The following SEMA6A variants were observed in gnomAD, a reference collection of about 807,000 sequenced individuals.
SEMA6A encodes semaphorin-6A.
Under a neutral mutation model 96.8 loss-of-function variants are expected in SEMA6A, and 25 were observed. The observed-to-expected ratio is 0.26, with a 90% confidence interval of 0.19 to 0.36. The LOEUF (loss-of-function observed/expected upper bound fraction) is 0.36. Ranked by LOEUF, SEMA6A falls within the 10% of genes least tolerant of loss-of-function variation. The probability of loss-of-function intolerance (pLI) is 1.00; values close to 1 mark genes in which losing one functional copy is unlikely to be tolerated. For synonymous variants in SEMA6A, 612 were observed against 518.0 expected (o/e 1.18, Z -2.46); for missense variants, 1,363 against 1,323.1 (o/e 1.03, Z -0.47).
chr5:116,448,866 T>C (rs189921383), intron 18 of SEMA6A, among the ~76,000 whole-genome samples: 19 of 152,066 alleles, frequency 1.2e-4, no homozygotes, highest in South Asian at 2.1e-4. Context: ...ATAAGACCAT[T>C]TGGGGCCCTG....
chr5:116,488,437 C>T (rs962245542), intron 8 of SEMA6A, among the ~76,000 whole-genome samples: 2 of 152,184 alleles, frequency 1.3e-5, no homozygotes, highest in Non-Finnish European at 2.9e-5. Context: ...TGGAATTTTG[C>T]ATATCTCTGT....
chr5:116,523,263 C>T (rs1759045171), intron 1 of SEMA6A, among the ~76,000 whole-genome samples: 1 of 152,096 alleles, frequency 6.6e-6, no homozygotes, highest in Non-Finnish European at 1.5e-5. Context: ...CCGGGTGGGT[C>T]ACATTATGCT....
intron 1 of SEMA6A, chr5:116,562,649 C>T (rs1760865886): frequency 7.1e-6 from 5 of 699,602 alleles, no homozygotes; most frequent in East Asian, 3.0e-5. Context: ...ATTTGGTGTC[C>T]GCCATATCGT....
intron 1 of SEMA6A, among the ~76,000 whole-genome samples, chr5:116,570,215 A>G (rs1220292408): frequency 1.3e-5 from 2 of 152,216 alleles, no homozygotes; most frequent in African/African-American, 4.8e-5. Flanking sequence ...CCCAAGAGGC[A>G]ACCATGTGGT....
At chr5:116,502,111 T>G in intron 3 of SEMA6A, 99 bp downstream of exon 3, 1 of 869,770 alleles carries the variant, frequency 1.1e-6, no homozygotes. Flanking sequence ...ACACTCTATT[T>G]AGAAACCTCA....
chr5:116,460,024 C>T (rs1051801705), intron 18 of SEMA6A, among the ~76,000 whole-genome samples: 6 of 151,734 alleles, frequency 4.0e-5, no homozygotes, highest in African/African-American at 9.7e-5. Context: ...TTCGGAATTC[C>T]AGTTCTACCC....
chr5:116,488,071 T>C, intron 9 of SEMA6A, 37 bp downstream of exon 9: 1 of 1,354,106 alleles, frequency 7.4e-7, no homozygotes, highest in Non-Finnish European at 1.0e-6. Flanking sequence ...TTTCTGAAAA[T>C]GTTACAAACT....
rs150268205 is a variant in SEMA6A, at chr5:116,559,563, T to C, written c.-39+14622A>G. Reference sequence around the variant, plus strand: ...CGTTACTCCACACCGCCTTGTGTTGTTTGTTGGTGCGCTCTCGGGGTTCGG... The same window carrying C: ...CGTTACTCCACACCGCCTTGTGTTGCTTGTTGGTGCGCTCTCGGGGTTCGG... On this transcript the variant is annotated intron_variant, in intron 1 of 18. Transcript: ENST00000343348. 1.1e-3 allele frequency among the ~76,000 whole-genome samples: 163 copies of C among 152,290 alleles called. 9 individuals are homozygous for C. The highest frequency in any genetic ancestry group is 6.8e-3 in the Middle Eastern group (2 of 294).
At position 116,488,175 on chromosome 5, in the gene SEMA6A, A is replaced by G. The variant is rs931340229; in HGVS notation, c.677T>C (p.Val226Ala). 1.2e-6 allele frequency: 2 copies of G among 1,610,946 alleles called. No homozygotes were observed. The highest frequency in any genetic ancestry group is 2.7e-5 in the African/African-American group (2 of 74,898). The change falls in exon 9 of 19, where the codon GTG becomes GCG. Residue 226 changes from valine to alanine, a missense_variant. This residue lies in a region of SEMA6A where 480 missense variants were observed against 559.5 expected (regional missense o/e 0.86). Transcript: ENST00000343348. ...WLKEPYFVQA[V>A]DYGDYIYFFF... ...GAAGTAGATATAATCTCCGTAATCC[A>G]CGGCTTGAACAAAGTATGGTTCTGT...
At chr5:116,499,287 G>C (rs1206157126) in intron 3 of SEMA6A, 2 of 152,070 alleles carry the variant, frequency 1.3e-5, no homozygotes, top group Non-Finnish European at 2.9e-5. Context: ...GTACATCCCA[G>C]GTCTCATATG....
intron 1 of SEMA6A, among the ~76,000 whole-genome samples, chr5:116,556,282 A>G (rs1458146745): frequency 6.6e-6 from 1 of 152,238 alleles, no homozygotes; most frequent in Non-Finnish European, 1.5e-5. Flanking sequence ...ATGCTCTGAC[A>G]CACAAAAGAA....
intron 18 of SEMA6A, among the ~76,000 whole-genome samples, chr5:116,466,545 G>A (rs1755769483): frequency 6.6e-6 from 1 of 152,144 alleles, no homozygotes; most frequent in South Asian, 2.1e-4. Flanking sequence ...ACTCTCAGGA[G>A]ATGAGAAGCA....
chr5:116,451,963 A>C (rs1390648682), intron 18 of SEMA6A, among the ~76,000 whole-genome samples: 1 of 137,906 alleles, frequency 7.3e-6, no homozygotes, highest in Non-Finnish European at 1.6e-5. Context: ...GAACTGAATA[A>C]TTAGAAAAAA....
At chr5:116,560,000 G>A (rs1259895859) in intron 1 of SEMA6A, among the ~76,000 whole-genome samples, 1 of 152,204 alleles carries the variant, frequency 6.6e-6, no homozygotes, top group Non-Finnish European at 1.5e-5. Context: ...TCTGTCTTCA[G>A]GGCTTCACCA....
At chr5:116,501,523 CA>C (rs1456459677) in intron 3 of SEMA6A, among the ~76,000 whole-genome samples, 1 of 152,078 alleles carries the variant, frequency 6.6e-6, no homozygotes, top group African/African-American at 2.4e-5. Context: ...TGCAAAAATA[CA>C]AATAGGTTTA....
At chr5:116,482,624 A>C (rs767388651) in intron 10 of SEMA6A, 49 bp from the exon 11 acceptor site, 1 of 1,604,840 alleles carries the variant, frequency 6.2e-7, no homozygotes, top group South Asian at 1.1e-5. Context: ...ATGGTTATGC[A>C]TGTGGTTTGG....
chr5:116,532,390 A>T (rs1759523761), intron 1 of SEMA6A, among the ~76,000 whole-genome samples: 1 of 152,246 alleles, frequency 6.6e-6, no homozygotes, highest in Admixed American at 6.5e-5. Context: ...CAGGTGCAAG[A>T]AATTTATGTC....
At chr5:116,522,252 T>TTTC (rs10659440) in intron 1 of SEMA6A, among the ~76,000 whole-genome samples, 27,674 of 152,088 alleles carry the variant, frequency 0.18, 4,153 homozygotes, top group African/African-American at 0.42. Context: ...TGTGCATGTG[T>TTTC]TTTTTTAGAA....
intron 16 of SEMA6A, among the ~76,000 whole-genome samples, chr5:116,473,915 A>G (rs1056440635): frequency 6.6e-6 from 1 of 152,188 alleles, no homozygotes; most frequent in Admixed American, 6.5e-5. Context: ...GAGTGGGGTT[A>G]AAGGTCAAAG....
Sources: allele counts gnomAD v4.1 joint callset (sites outside exome capture counted in the v4.1 genomes callset), GRCh38; gene constraint gnomAD v4.1.1; regional missense constraint gnomAD v4.1.1; transcripts MANE v1.5; gene names NCBI Gene and HGNC (gene_info 2026-07-23, HGNC 2026-07-21).